The following CFAP46 variants were observed in gnomAD, a reference collection of about 807,000 sequenced individuals.
CFAP46 encodes cilia- and flagella-associated protein 46.
In CFAP46, 245 loss-of-function variants were observed where a neutral mutation model predicts 325.7. The ratio of observed to expected loss-of-function variants is 0.75; its 90% CI spans 0.68 to 0.84. CFAP46 has a LOEUF of 0.84. CFAP46 is among the 40% of genes least tolerant of loss of function. The pLI is 0.00. For missense variants in CFAP46, 3,346 were observed against 3,543.0 expected, an observed-to-expected ratio of 0.94 and a Z score of 1.41; for synonymous variants, 1,523 against 1,495.9, an observed-to-expected ratio of 1.02 and a Z score of -0.42.
At chr10:132,830,556 G>A (rs1254160244) in intron 50 of CFAP46, among the ~76,000 whole-genome samples, 3 of 152,172 alleles carry the variant, frequency 2.0e-5, no homozygotes, top group Admixed American at 6.5e-5. Context: ...TGGGTCTTTC[G>A]AGGAACTTGT....
chr10:132,934,844 A>G lies in CFAP46; in HGVS notation c.774T>C (p.Asp258=). 6.2e-7 allele frequency: 1 copy of G among 1,607,170 alleles called. No individual in the cohort carries two copies. The highest frequency in any genetic ancestry group is 8.5e-7 in the Non-Finnish European group (1 of 1,174,044). The change falls in exon 8 of 58, where the codon GAT becomes GAC. Residue 258 remains aspartate (D), a synonymous_variant. Transcript: ENST00000368586. ...NMLKAKAEQN[D]LPGDISVILR... is the part of the protein sequence containing the mutation. ...GAATGACACTGATGTCACCTGGTAA[A>G]TCATTTTGCTCCGCTTTTCTAGAAA...
intron 22 of CFAP46, among the ~76,000 whole-genome samples, chr10:132,905,988 T>G (rs1211066758): frequency 6.6e-6 from 1 of 152,148 alleles, no homozygotes; most frequent in Non-Finnish European, 1.5e-5. Flanking sequence ...GCAGGGAAAA[T>G]GTAACCTCTA....
chr10:132,851,494 A>AGTAG (rs1409944231), intron 39 of CFAP46, among the ~76,000 whole-genome samples, 189 bp from the exon 40 acceptor site: 1 of 152,222 alleles, frequency 6.6e-6, no homozygotes, highest in African/African-American at 2.4e-5. Context: ...GAGATAATGC[A>AGTAG]GTAGCCCTTA....
In CFAP46 at chr10:132,832,928, G is replaced by C. The variant is rs572479051; in HGVS notation, c.7117+430C>G. The stretch of plus-strand genomic sequence containing the variant: ...CTGTGTGTTTAGCACCAGGATACTG[G>C]CACATAGCAGGTATTTTATAAATAG... On this transcript the variant is annotated intron_variant, in intron 50 of 57. Coordinates refer to ENST00000368586, the MANE Select transcript of CFAP46 (RefSeq NM_001200049.3). The surrounding 1 kb of genome is among the most constrained non-coding windows in gnomAD (Gnocchi z 4.1). 2 of 424,120 alleles carry C rather than the reference G, an allele frequency of 4.7e-6. No homozygotes were observed. Among genetic ancestry groups the C allele is most frequent in the South Asian group, 3.3e-5 (2 of 60,058 alleles). The allele number at this position is 424,120 out of a possible 1,614,324, so 26.3% of individuals were successfully genotyped here. A position where few individuals can be genotyped will look rare whatever the true frequency, so the allele number is the denominator to read the frequency against.
At chr10:132,922,052 G>A in intron 13 of CFAP46, 52 bp downstream of exon 13, 1 of 1,522,498 alleles carries the variant, frequency 6.6e-7, no homozygotes, top group African/African-American at 1.4e-5. Context: ...CAGCCTGGGA[G>A]CCATTCCAAG....
rs375604482 is a variant in CFAP46, at chr10:132,887,971, C to T, written c.3305-2012G>A. ...CTCTCTCTCCGCTCCTCTCTCTCTC[C>T]GCTCCTCTCTCTCTCCTCTCCCCTC... On this transcript the variant is annotated intron_variant, in intron 25 of 57. Transcript: ENST00000368586. Among the ~76,000 whole-genome samples, 344 of 92,464 alleles carry T rather than the reference C, an allele frequency of 3.7e-3. 7 individuals are homozygous for T. Among genetic ancestry groups the T allele is most frequent in the Non-Finnish European group, 5.1e-3 (249 of 49,144 alleles). 60.7% of individuals were successfully genotyped at this position (92,464 alleles called of 152,430 possible). A position where few individuals can be genotyped will look rare whatever the true frequency, so the allele number is the denominator to read the frequency against.
chr10:132,937,337 C>A lies in CFAP46; in HGVS notation c.660+215G>T, dbSNP rs141881666. On this transcript the variant is annotated intron_variant, in intron 6 of 57. Transcript: ENST00000368586. ...AAAGAGCGACGATAAAGGCAAAAGA[C>A]CCTGTTTTGTTTTCTAAATGTCACA... The A allele has an allele frequency of 2.3e-3, 1,332 of 581,626 alleles. 2 individuals are homozygous for A. Among genetic ancestry groups the A allele is most frequent in the Non-Finnish European group, 3.1e-3 (1,075 of 344,100 alleles). The allele number at this position is 581,626 out of a possible 1,614,324, so 36.0% of individuals were successfully genotyped here.
At chr10:132,925,438 C>A (rs550260906) in intron 10 of CFAP46, among the ~76,000 whole-genome samples, 2 of 152,372 alleles carry the variant, frequency 1.3e-5, no homozygotes, top group South Asian at 4.1e-4. Context: ...ACAACTCCAT[C>A]CTGCCACTTG....
intron 25 of CFAP46, among the ~76,000 whole-genome samples, chr10:132,888,897 C>A (rs1182073309): frequency 1.3e-5 from 2 of 151,776 alleles, no homozygotes; most frequent in Non-Finnish European, 2.9e-5. Flanking sequence ...CCACCTTCAC[C>A]CCTGCCGCCT....
At chr10:132,878,976 A>G (rs959713728) in intron 29 of CFAP46, among the ~76,000 whole-genome samples, 4 of 152,128 alleles carry the variant, frequency 2.6e-5, no homozygotes, top group African/African-American at 9.7e-5. Context: ...TGGGAGTGGG[A>G]AGAAGGCTCT....
At chr10:132,870,917 T>G (rs1848888755) in intron 32 of CFAP46, among the ~76,000 whole-genome samples, 1 of 152,224 alleles carries the variant, frequency 6.6e-6, no homozygotes, top group Non-Finnish European at 1.5e-5. Flanking sequence ...CTTCTAGGAC[T>G]TTCAGAGCTA....
intron 39 of CFAP46, among the ~76,000 whole-genome samples, chr10:132,853,664 T>A (rs1848595805): frequency 6.6e-6 from 1 of 152,230 alleles, no homozygotes; most frequent in Admixed American, 6.5e-5. Flanking sequence ...TTTGTGAGAA[T>A]GTTTTTAATT....
At chr10:132,812,707 G>A in intron 55 of CFAP46, 78 bp downstream of exon 55, 2 of 1,010,134 alleles carry the variant, frequency 2.0e-6, no homozygotes, top group Non-Finnish European at 3.1e-6. Flanking sequence ...ACCAGCAGGT[G>A]ACAGTGGCCC....
chr10:132,816,204 T>C (rs1847689942), intron 50 of CFAP46, among the ~76,000 whole-genome samples: 1 of 151,990 alleles, frequency 6.6e-6, no homozygotes, highest in South Asian at 2.1e-4. Context: ...TCGTTAGCGC[T>C]GTGTCTTTCC....
Position 132,866,185 on chromosome 10 carries a change from C to T in CFAP46, c.4744-14G>A. 1 of 1,502,706 alleles carries T rather than the reference C, an allele frequency of 6.7e-7. No homozygotes were observed. Among genetic ancestry groups the T allele is most frequent in the Non-Finnish European group, 8.9e-7 (1 of 1,122,138 alleles). The allele number at this position is 1,502,706 out of a possible 1,614,324, so 93.1% of individuals were successfully genotyped here. On this transcript the variant is annotated splice_polypyrimidine_tract_variant and intron_variant, in intron 34 of 57. Transcript: ENST00000368586. ...CATCTTCAAAATCTGTAAGATACCG[C>T]AGCCCCAGGCGGCACGATCCTGACA...
intron 50 of CFAP46, among the ~76,000 whole-genome samples, chr10:132,822,891 T>G (rs919552792): frequency 2.2e-5 from 3 of 138,810 alleles, no homozygotes; most frequent in Non-Finnish European, 4.6e-5. Flanking sequence ...TGTGCGCTGA[T>G]GTGTGCTGAT....
chr10:132,835,348 G>A lies in CFAP46; in HGVS notation c.6700C>T (p.Gln2234Ter). 1.2e-6 allele frequency: 2 copies of A among 1,613,634 alleles called. No individual in the cohort carries two copies. The highest frequency in any genetic ancestry group is 1.7e-6 in the Non-Finnish European group (2 of 1,179,924). ...ATGTCCTCACTGTACACCTGGGCCT[G>A]GGTCTGCTTCCGGAACTGCTGGGCA... Reference protein sequence around the residue: ...ACAQQFRKQTQAQVYSEDMAL... With the variant: ...ACAQQFRKQT The change falls in exon 47 of 58, where the codon CAG becomes TAG. Residue 2234 changes from glutamine (Q) to a stop codon, truncating the protein, a stop_gained. Coordinates refer to ENST00000368586, the MANE Select transcript of CFAP46 (RefSeq NM_001200049.3). LOFTEE classifies it high-confidence loss of function.
chr10:132,822,497 A>ATGTGTGC lies in CFAP46; in HGVS notation c.7118-7590_7118-7584dup, dbSNP rs1488973164. 1.0e-3 allele frequency among the ~76,000 whole-genome samples: 89 copies of ATGTGTGC among 85,494 alleles called. 3 individuals are homozygous for ATGTGTGC. Among genetic ancestry groups the ATGTGTGC allele is most frequent in the African/African-American group, 4.1e-3 (88 of 21,314 alleles). 56.1% of individuals were successfully genotyped at this position (85,494 alleles called of 152,430 possible). A position where few individuals can be genotyped will look rare whatever the true frequency, so the allele number is the denominator to read the frequency against. On this transcript the variant is annotated intron_variant, in intron 50 of 57. Coordinates refer to ENST00000368586, the MANE Select transcript of CFAP46 (RefSeq NM_001200049.3). ...TGTGCTGTGTGTGCTGTGTGTGCTG[A>ATGTGTGC]TGTGTGCTGTGTGCTGATGTGTGCT...
At chr10:132,937,812 G>A (rs1850032722) in intron 5 of CFAP46, 137 bp from the exon 6 acceptor site, 2 of 1,227,922 alleles carry the variant, frequency 1.6e-6, no homozygotes, top group African/African-American at 1.5e-5. Context: ...TCTTCAGCCA[G>A]AACCAGGCTG....
Sources: gnomAD v4.1 joint callset for allele counts (sites outside exome capture counted in the v4.1 genomes callset) on GRCh38, gnomAD v4.1.1 for gene constraint, Gnocchi (gnomAD v3.1) non-coding constraint, MANE v1.5 for transcripts, NCBI Gene and HGNC (gene_info 2026-07-23, HGNC 2026-07-21) for gene names.